Variants in PDE10A observed in about 807,000 individuals in gnomAD.
PDE10A encodes the protein phosphodiesterase 10A, also known as cAMP and cAMP-inhibited cGMP 3',5'-cyclic phosphodiesterase 10A.
In PDE10A, 39 loss-of-function variants were observed where a neutral mutation model predicts 97.7. The ratio of observed to expected loss-of-function variants is 0.40; its 90% CI spans 0.31 to 0.52. The LOEUF (loss-of-function observed/expected upper bound fraction) is 0.52, where lower values mean the gene tolerates loss of function less well. Among genes scored for constraint, PDE10A ranks in the 20% least tolerant of loss-of-function variants. The pLI is 0.56. For synonymous variants in PDE10A, 371 were observed against 376.8 expected (o/e 0.98, Z 0.18); for missense variants, 731 against 1,047.8 (o/e 0.70, Z 4.17).
At chr6:165,546,575 A>G (rs1286909624) in intron 1 of PDE10A, among the ~76,000 whole-genome samples, 1 of 152,096 alleles carries the variant, frequency 6.6e-6, no homozygotes, top group Admixed American at 6.5e-5. Context: ...AACTTTGAAA[A>G]TAAGTGGGGT....
At chr6:165,832,931 A>C (rs2322937) in intron 1 of PDE10A, among the ~76,000 whole-genome samples, 147,332 of 152,310 alleles carry the variant, frequency 0.97, 71,294 homozygotes, top group East Asian at 1. Flanking sequence ...AAGGCACGAT[A>C]CCAGCCCTGC....
chr6:165,972,715 C>G, intron 1 of PDE10A, among the ~76,000 whole-genome samples: 1 of 152,120 alleles, frequency 6.6e-6, no homozygotes, highest in Non-Finnish European at 1.5e-5. Flanking sequence ...ACCCTTCATC[C>G]AAAGTAACTG....
intron 1 of PDE10A, among the ~76,000 whole-genome samples, chr6:165,600,478 C>A (rs148972711): frequency 6.6e-6 from 1 of 152,240 alleles, no homozygotes; most frequent in Admixed American, 6.5e-5. Flanking sequence ...TGGCTGTGCA[C>A]GCACATACAC....
chr6:165,601,656 G>A (rs1786958150), intron 1 of PDE10A, among the ~76,000 whole-genome samples: 1 of 152,132 alleles, frequency 6.6e-6, no homozygotes, highest in African/African-American at 2.4e-5. Context: ...CTTGCTAACA[G>A]GTAACTACTT....
intron 1 of PDE10A, among the ~76,000 whole-genome samples, chr6:165,912,562 G>A (rs966849488): frequency 6.6e-6 from 1 of 152,196 alleles, no homozygotes; most frequent in Non-Finnish European, 1.5e-5. Context: ...AGCCTACAAT[G>A]GCCTAAGCAC....
At chr6:165,629,346 G>T (rs1315363825) in intron 1 of PDE10A, among the ~76,000 whole-genome samples, 1 of 152,042 alleles carries the variant, frequency 6.6e-6, no homozygotes, top group African/African-American at 2.4e-5. Flanking sequence ...TACAGCTAAG[G>T]TTCTACAGAA....
chr6:165,819,371 C>T lies in PDE10A; in HGVS notation c.-615+168158G>A, dbSNP rs1779505037. The stretch of plus-strand genomic sequence containing the variant: ...CCTGAGAGATTCAGATGCTCATCCT[C>T]AGCTCCTGTTGCCTGATGCAGTTGC... On this transcript the variant is annotated intron_variant, in intron 1 of 19. Coordinates refer to the PDE10A transcript ENST00000366882. This position sits in a 1 kb window ranked among gnomAD's most constrained non-coding sequence, Gnocchi z 4.2. 6.6e-6 allele frequency among the ~76,000 whole-genome samples: 1 copy of T among 152,224 alleles called. No homozygotes were observed. The highest frequency in any genetic ancestry group is 1.5e-5 in the Non-Finnish European group (1 of 68,042).
intron 1 of PDE10A, among the ~76,000 whole-genome samples, chr6:165,657,005 G>A (rs1482545655): frequency 2.0e-5 from 3 of 152,324 alleles, no homozygotes; most frequent in Non-Finnish European, 2.9e-5. Flanking sequence ...TTGAAGACAG[G>A]CACCATGTTT....
Position 165,480,588 on chromosome 6 carries a change from A to T in PDE10A, c.1023+1727T>A, listed in dbSNP as rs569095040. 5.2e-4 allele frequency among the ~76,000 whole-genome samples: 76 copies of T among 146,266 alleles called. No homozygotes were observed. In the Middle Eastern group the frequency reaches 0.014, roughly 27 times the overall value. On this transcript the variant is annotated intron_variant, in intron 3 of 21. Transcript: ENST00000539869. ...GATGAACTGAGGCTTTGCCTCAATTAAAAAAAAAAAGTATATGAGAAAGAG... is the reference window on the plus strand; with the variant it reads ...GATGAACTGAGGCTTTGCCTCAATTTAAAAAAAAAAGTATATGAGAAAGAG...
At chr6:165,345,043 G>A (rs1325283592) in intron 18 of PDE10A, among the ~76,000 whole-genome samples, 2 of 151,610 alleles carry the variant, frequency 1.3e-5, no homozygotes, top group Non-Finnish European at 1.5e-5. Context: ...TTTTCAACAG[G>A]TAAATTCATT....
upstream of PDE10A, among the ~76,000 whole-genome samples, chr6:165,667,935 C>T (rs1306325161): frequency 1.3e-5 from 2 of 152,048 alleles, no homozygotes; most frequent in Admixed American, 1.3e-4. Context: ...TTAAAAAATA[C>T]CAAGTCACTG....
At chr6:165,712,348 G>GC (rs755424634) in intron 1 of PDE10A, among the ~76,000 whole-genome samples, 99 of 152,204 alleles carry the variant, frequency 6.5e-4, no homozygotes, top group Non-Finnish European at 1.2e-3. Context: ...GCGGCTTGCT[G>GC]CCTGCTCCCC....
intron 1 of PDE10A, among the ~76,000 whole-genome samples, chr6:165,572,449 C>T (rs905325282): frequency 1.3e-5 from 2 of 152,156 alleles, no homozygotes; most frequent in African/African-American, 4.8e-5. Flanking sequence ...TTAGTTTATA[C>T]CCAGTCAACA....
intron 1 of PDE10A, among the ~76,000 whole-genome samples, chr6:165,844,420 A>G (rs918455221): frequency 6.6e-6 from 1 of 152,220 alleles, no homozygotes; most frequent in African/African-American, 2.4e-5. Context: ...GTTGCATAAT[A>G]TGCAAATTGA....
chr6:165,416,848 CT>C (rs1432401795), intron 11 of PDE10A, among the ~76,000 whole-genome samples: 3 of 152,274 alleles, frequency 2.0e-5, no homozygotes, highest in Admixed American at 2.0e-4. Context: ...TGTACAACTT[CT>C]AGTATTTTTA....
chr6:165,707,692 TGTGA>T (rs1376228628), intron 1 of PDE10A, among the ~76,000 whole-genome samples: 2 of 151,902 alleles, frequency 1.3e-5, no homozygotes, highest in Admixed American at 6.6e-5. Flanking sequence ...TGAGCATGTG[TGTGA>T]GTGTGTGAGA....
At chr6:165,932,307 G>A (rs1232992214) in intron 1 of PDE10A, among the ~76,000 whole-genome samples, 1 of 151,878 alleles carries the variant, frequency 6.6e-6, no homozygotes, top group Non-Finnish European at 1.5e-5. Context: ...ATAATAGTGT[G>A]GACAGCCAAA....
chr6:165,874,745 C>T (rs1271070047), intron 1 of PDE10A, among the ~76,000 whole-genome samples: 12 of 152,118 alleles, frequency 7.9e-5, no homozygotes, highest in Admixed American at 5.9e-4. Context: ...CTAAAAAATT[C>T]CAGCAAATTG....
rs188507291 is a variant in PDE10A, at chr6:165,642,855, A to G, written c.865+19092T>C. On this transcript the variant is annotated intron_variant, in intron 1 of 21. Coordinates refer to ENST00000539869, the MANE Select transcript of PDE10A (RefSeq NM_001385079.1). ...TCCCATCACACATTTTTAAGTTGCC[A>G]TATAAAAATTGTATCACAAGTTTAA... Among the ~76,000 whole-genome samples, 142 of 152,364 alleles carry G rather than the reference A, an allele frequency of 9.3e-4. 1 individual carries two copies. Among genetic ancestry groups the G allele is most frequent in the Admixed American group, 4.4e-3 (68 of 15,310 alleles).
Sources: gnomAD v4.1 joint callset for allele counts (sites outside exome capture counted in the v4.1 genomes callset) on GRCh38, gnomAD v4.1.1 for gene constraint, Gnocchi (gnomAD v3.1) non-coding constraint, MANE v1.5 for transcripts, NCBI Gene and HGNC (gene_info 2026-07-23, HGNC 2026-07-21) for gene names.